Variants in IL1RAPL1 observed in about 807,000 individuals in gnomAD.
IL1RAPL1 encodes interleukin-1 receptor accessory protein-like 1.
A neutral mutation model predicts 48.4 loss-of-function variants in IL1RAPL1; 3 were observed. The observed-to-expected ratio is 0.06, with a 90% CI of 0.03 to 0.16. The LOEUF is 0.16. Ranked by LOEUF, IL1RAPL1 falls within the 10% of genes least tolerant of loss-of-function variation. The pLI is 1.00. For missense variants in IL1RAPL1, 349 were observed against 530.6 expected (o/e 0.66, Z 3.36); for synonymous variants, 185 against 187.7 (o/e 0.99, Z 0.12).
chrX:29,098,921 C>T (rs1445871232), intron 2 of IL1RAPL1, among the ~76,000 whole-genome samples: 1 of 112,056 alleles, frequency 8.9e-6, no homozygotes, highest in Non-Finnish European at 1.9e-5. Context: ...GAGGCTGAGG[C>T]TGGTGGATCA....
At chrX:28,799,829 G>A (rs1294455968) in intron 2 of IL1RAPL1, among the ~76,000 whole-genome samples, 1 of 111,572 alleles carries the variant, frequency 9.0e-6, no homozygotes, top group South Asian at 3.8e-4. Context: ...TGATGGTGTC[G>A]CCAATTACAG....
intron 6 of IL1RAPL1, among the ~76,000 whole-genome samples, chrX:29,707,292 T>C (rs1927224512): frequency 2.7e-5 from 3 of 111,083 alleles, no homozygotes; most frequent in African/African-American, 9.8e-5. Context: ...AAAAAAATAG[T>C]TGTTGGCATT....
chrX:29,901,563 T>C (rs1932497157), intron 6 of IL1RAPL1, among the ~76,000 whole-genome samples: 1 of 112,044 alleles, frequency 8.9e-6, no homozygotes, highest in African/African-American at 3.2e-5. Context: ...TCTTTCCGTC[T>C]TGCTCCTCCT....
intron 2 of IL1RAPL1, among the ~76,000 whole-genome samples, chrX:29,205,878 G>C (rs771066691): frequency 1.9e-5 from 2 of 107,002 alleles, no homozygotes; most frequent in Admixed American, 2.1e-4. Context: ...GGGACTACAG[G>C]AGCATGCCAC....
At chrX:28,826,958 A>G (rs1936999919) in intron 2 of IL1RAPL1, among the ~76,000 whole-genome samples, 2 of 111,376 alleles carry the variant, frequency 1.8e-5, no homozygotes, top group Admixed American at 9.6e-5. Flanking sequence ...AATTAGGTCT[A>G]TAATCTTAAA....
chrX:29,080,152 G>A (rs764202852), intron 2 of IL1RAPL1, among the ~76,000 whole-genome samples: 1 of 110,430 alleles, frequency 9.1e-6, no homozygotes, highest in South Asian at 3.9e-4. Flanking sequence ...TTTAGGAGGC[G>A]GAGACAGAAG....
At chrX:29,100,656 C>G (rs968749016) in intron 2 of IL1RAPL1, among the ~76,000 whole-genome samples, 1 of 111,812 alleles carries the variant, frequency 8.9e-6, no homozygotes, top group Non-Finnish European at 1.9e-5. Context: ...GAGTCCAACT[C>G]TTCGGGTTCT....
chrX:29,165,373 C>T (rs960320514), intron 2 of IL1RAPL1, among the ~76,000 whole-genome samples: 2 of 112,029 alleles, frequency 1.8e-5, no homozygotes, highest in African/African-American at 3.2e-5. Context: ...TAACAGCTAA[C>T]TCACAGTCTT....
chrX:29,315,093 G>A (rs754759198), intron 3 of IL1RAPL1, among the ~76,000 whole-genome samples: 4 of 111,292 alleles, frequency 3.6e-5, no homozygotes, highest in Non-Finnish European at 5.7e-5. Context: ...GTCAGCCAAG[G>A]GTCCGATCAT....
At chrX:29,415,334 C>T (rs1237983080) in intron 5 of IL1RAPL1, among the ~76,000 whole-genome samples, 1 of 111,496 alleles carries the variant, frequency 9.0e-6, no homozygotes, top group Non-Finnish European at 1.9e-5. Flanking sequence ...TATCTACATG[C>T]ACGTGAATGT....
intron 2 of IL1RAPL1, among the ~76,000 whole-genome samples, chrX:29,036,567 T>C (rs1324782424): frequency 8.9e-6 from 1 of 112,274 alleles, no homozygotes; most frequent in Non-Finnish European, 1.9e-5. Flanking sequence ...TGGGAAGTTC[T>C]TTTAATCAAA....
At chrX:29,821,569 C>T (rs1930621296) in intron 6 of IL1RAPL1, among the ~76,000 whole-genome samples, 1 of 112,413 alleles carries the variant, frequency 8.9e-6, no homozygotes, top group Admixed American at 9.4e-5. Flanking sequence ...TACAAGAAAC[C>T]ACTTACTCAT....
chrX:29,252,259 G>C (rs180955454), intron 2 of IL1RAPL1, among the ~76,000 whole-genome samples: 16 of 96,986 alleles, frequency 1.6e-4, no homozygotes, highest in Non-Finnish European at 2.7e-4. Context: ...AAAACTTAAA[G>C]TACAATAATA....
rs374124129 is a variant in IL1RAPL1, at chrX:29,800,699, C to T, written c.779-116765C>T. ...ATTACATTAGTCAGAAAAAACTCAT[C>T]TTTGGCCAGGCGCAGTGGCTCACGC... On this transcript the variant is annotated intron_variant, in intron 6 of 10. Transcript: ENST00000378993. Among the ~76,000 whole-genome samples, 440 of 107,769 alleles carry T rather than the reference C, an allele frequency of 4.1e-3. 3 individuals are homozygous for T. The highest frequency in any genetic ancestry group is 0.014 in the African/African-American group (415 of 29,697). The allele number at this position is 107,769 out of a possible 115,157, so 93.6% of individuals were successfully genotyped here.
chrX:29,916,056 A>G (rs1213578338), intron 6 of IL1RAPL1, among the ~76,000 whole-genome samples: 1 of 101,057 alleles, frequency 9.9e-6, no homozygotes, highest in Non-Finnish European at 2.0e-5. Flanking sequence ...AGTTTCATCC[A>G]TGTCCCTACA....
chrX:29,512,232 T>C (rs973869207), intron 5 of IL1RAPL1, among the ~76,000 whole-genome samples: 1 of 111,036 alleles, frequency 9.0e-6, no homozygotes, highest in Non-Finnish European at 1.9e-5. Flanking sequence ...TGTGGTTTAA[T>C]GTGAAAGGAC....
In IL1RAPL1 at chrX:29,309,379, GTTATC is replaced by G. The variant is rs762151987; in HGVS notation, c.362+26165_362+26169del. Reference sequence around the variant, plus strand: ...CCCACAGAGACTGAGAAATGAGGATGTTATCTTTCTTGATGATTGGATTTCAAAAG... The same window carrying G: ...CCCACAGAGACTGAGAAATGAGGATGTTTCTTGATGATTGGATTTCAAAAG... On this transcript the variant is annotated intron_variant, in intron 3 of 10. Coordinates refer to ENST00000378993, the MANE Select transcript of IL1RAPL1 (RefSeq NM_014271.4). 5.7e-4 allele frequency among the ~76,000 whole-genome samples: 64 copies of G among 111,616 alleles called. 1 individual carries two copies. The highest frequency in any genetic ancestry group is 2.0e-3 in the African/African-American group (63 of 30,739).
At chrX:29,928,338 CAG>C (rs2147244685) in intron 8 of IL1RAPL1, among the ~76,000 whole-genome samples, 1 of 111,824 alleles carries the variant, frequency 8.9e-6, no homozygotes, top group East Asian at 2.8e-4. Flanking sequence ...CTTGTGTAAT[CAG>C]AGATTCCAAA....
At chrX:29,488,294 CG>C (rs1569322215) in intron 5 of IL1RAPL1, among the ~76,000 whole-genome samples, 1 of 111,121 alleles carries the variant, frequency 9.0e-6, no homozygotes, top group Non-Finnish European at 1.9e-5. Flanking sequence ...AAAAATTAGC[CG>C]GGTGTGGGGG....
Sources: allele counts gnomAD v4.1 joint callset (sites outside exome capture counted in the v4.1 genomes callset), GRCh38; gene constraint gnomAD v4.1.1; transcripts MANE v1.5; gene names NCBI Gene and HGNC (gene_info 2026-07-23, HGNC 2026-07-21).